Variants in FAM227B observed in about 807,000 individuals in gnomAD.
The protein encoded by FAM227B is family with sequence similarity 227 member B.
A neutral mutation model predicts 73.8 loss-of-function variants in FAM227B; 88 were observed. The observed-to-expected ratio is 1.19, with a 90% CI of 1.00 to 1.42. FAM227B has a LOEUF of 1.42. Among genes scored for constraint, FAM227B ranks in the 40% most tolerant of loss-of-function variants. FAM227B has a pLI of 0.00. For missense variants in FAM227B, 632 were observed against 590.9 expected, an observed-to-expected ratio of 1.07 and a Z score of -0.72; for synonymous variants, 210 against 190.5, an observed-to-expected ratio of 1.10 and a Z score of -0.84.
Position 49,575,029 on chromosome 15 carries a change from C to T in FAM227B, c.627G>A (p.Trp209Ter), listed in dbSNP as rs774360662. 2 of 1,585,768 alleles carry T rather than the reference C, an allele frequency of 1.3e-6. No individual in the cohort carries two copies. The highest frequency in any genetic ancestry group is 1.2e-5 in the South Asian group (1 of 86,546). ...ACTATACCCTAAATTTATGGAGAAA[C>T]CACCACCAAAAGGAGTCATGCAAAA... Reference protein sequence around the residue: ...IALLHDSFWWWFLHKFRPDRE... With the variant: ...IALLHDSFWW Residue 209 changes from tryptophan (W) to a stop codon, truncating the protein, a stop_gained, in exon 8 of 16, where the codon TGG becomes TGA. Transcript: ENST00000299338. LOFTEE classifies it high-confidence loss of function.
At chr15:49,351,819 C>T (rs1047470040) in intron 13 of FAM227B, among the ~76,000 whole-genome samples, 1 of 152,142 alleles carries the variant, frequency 6.6e-6, no homozygotes, top group East Asian at 1.9e-4. Flanking sequence ...GGCTAAGGAG[C>T]CAGATCTTTG....
At chr15:49,421,067 A>T (rs1168805439) in intron 11 of FAM227B, among the ~76,000 whole-genome samples, 1 of 152,144 alleles carries the variant, frequency 6.6e-6, no homozygotes, top group African/African-American at 2.4e-5. Context: ...ACAAATAACA[A>T]AAAAAAGACA....
At chr15:49,599,854 T>C (rs2077084350) in intron 3 of FAM227B, among the ~76,000 whole-genome samples, 1 of 152,280 alleles carries the variant, frequency 6.6e-6, no homozygotes, top group Admixed American at 6.5e-5. Flanking sequence ...GAATTTTCTT[T>C]GTGTACTTGA....
At chr15:49,538,698 A>G (rs1285317442) in intron 10 of FAM227B, among the ~76,000 whole-genome samples, 1 of 151,968 alleles carries the variant, frequency 6.6e-6, no homozygotes, top group Non-Finnish European at 1.5e-5. Flanking sequence ...CCTGTCTTAG[A>G]GTTCACAGAT....
At chr15:49,497,471 T>C (rs1168807272) in intron 11 of FAM227B, among the ~76,000 whole-genome samples, 1 of 152,172 alleles carries the variant, frequency 6.6e-6, no homozygotes, top group Non-Finnish European at 1.5e-5. Flanking sequence ...TTTCTCACCG[T>C]CAATCCATAC....
At chr15:49,581,463 T>C (rs1466949567) in intron 5 of FAM227B, among the ~76,000 whole-genome samples, 1 of 151,996 alleles carries the variant, frequency 6.6e-6, no homozygotes, top group Non-Finnish European at 1.5e-5. Flanking sequence ...TAGCTGGAAT[T>C]ATGCACCACT....
intron 2 of FAM227B, among the ~76,000 whole-genome samples, chr15:49,613,766 C>T (rs940651031): frequency 4.0e-5 from 6 of 151,646 alleles, no homozygotes; most frequent in African/African-American, 1.2e-4. Context: ...ATGATGTACC[C>T]TTAAAAATTA....
chr15:49,551,152 C>T (rs55791137), intron 9 of FAM227B, among the ~76,000 whole-genome samples: 26,795 of 152,216 alleles, frequency 0.18, 3,050 homozygotes, highest in Non-Finnish European at 0.25. Context: ...CGTGGCGTCA[C>T]GCGCCTGCAA....
chr15:49,521,373 C>T (rs143600800), intron 10 of FAM227B, among the ~76,000 whole-genome samples: 139 of 152,284 alleles, frequency 9.1e-4, no homozygotes, highest in Middle Eastern at 3.4e-3. Context: ...GTGTGGTGAT[C>T]TCTGAAAGGG....
intron 11 of FAM227B, among the ~76,000 whole-genome samples, chr15:49,405,726 A>G (rs2048466447): frequency 2.6e-5 from 4 of 152,120 alleles, no homozygotes; most frequent in Admixed American, 1.3e-4. Context: ...ATTTCTATCC[A>G]TATTCTGAAT....
At chr15:49,381,284 C>A (rs2151522361) in intron 11 of FAM227B, among the ~76,000 whole-genome samples, 1 of 152,276 alleles carries the variant, frequency 6.6e-6, no homozygotes, top group South Asian at 2.1e-4. Context: ...AATCATATCA[C>A]CCCTGGGGAA....
Position 49,615,227 on chromosome 15 carries a change from T to A in FAM227B, c.-56A>T, listed in dbSNP as rs1394986373. ...ATCAGCTGGGTCTTAGGCTTCAATG[T>A]GAGTTGGGCGACCAAACTGGGGTAT... On this transcript the variant is annotated 5_prime_UTR_variant, in exon 2 of 16. Coordinates refer to ENST00000299338, the MANE Select transcript of FAM227B (RefSeq NM_152647.3). 5.3e-5 allele frequency: 81 copies of A among 1,539,562 alleles called. No homozygotes were observed. The East Asian group carries it at 1.5e-3, about 28-fold the overall frequency.
chr15:49,337,747 C>T (rs965913752), intron 13 of FAM227B, among the ~76,000 whole-genome samples: 5 of 151,782 alleles, frequency 3.3e-5, no homozygotes, highest in Admixed American at 6.6e-5. Context: ...TCAATTCCCA[C>T]TTATGAGTGA....
chr15:49,378,726 T>TTTGG (rs2151509923), intron 11 of FAM227B, among the ~76,000 whole-genome samples: 1 of 152,274 alleles, frequency 6.6e-6, no homozygotes, highest in Non-Finnish European at 1.5e-5. Flanking sequence ...TTTCCAAATA[T>TTTGG]AAGATAAACT....
chr15:49,534,419 G>C (rs2060852203), intron 10 of FAM227B, among the ~76,000 whole-genome samples: 1 of 151,732 alleles, frequency 6.6e-6, no homozygotes, highest in Non-Finnish European at 1.5e-5. Context: ...TTTATCAAGA[G>C]GATGTAACAA....
intron 13 of FAM227B, among the ~76,000 whole-genome samples, chr15:49,344,448 G>A (rs1016578053): frequency 6.6e-6 from 1 of 152,106 alleles, no homozygotes; most frequent in South Asian, 2.1e-4. Context: ...AATATAGCAT[G>A]GTACTAACTT....
intron 11 of FAM227B, among the ~76,000 whole-genome samples, chr15:49,491,479 T>C (rs1159169398): frequency 2.0e-5 from 3 of 151,862 alleles, no homozygotes; most frequent in Non-Finnish European, 4.4e-5. Context: ...ATTGTATTTA[T>C]CATGATTTAC....
chr15:49,520,778 T>C (rs550681229), intron 10 of FAM227B, among the ~76,000 whole-genome samples: 8 of 152,182 alleles, frequency 5.3e-5, no homozygotes, highest in Middle Eastern at 6.8e-3. Flanking sequence ...ACATGGAAGC[T>C]ACAGTTCAAG....
chr15:49,336,912 G>A (rs2039816255), intron 13 of FAM227B, among the ~76,000 whole-genome samples: 1 of 152,118 alleles, frequency 6.6e-6, no homozygotes, highest in African/African-American at 2.4e-5. Context: ...TTATGTCCAT[G>A]AGTACCCAAT....
Sources: gnomAD v4.1 joint callset for allele counts (sites outside exome capture counted in the v4.1 genomes callset) on GRCh38, gnomAD v4.1.1 for gene constraint, MANE v1.5 for transcripts, NCBI Gene and HGNC (gene_info 2026-07-23, HGNC 2026-07-21) for gene names.